The following SAFB variants were observed in gnomAD, a reference collection of about 807,000 sequenced individuals.
The protein encoded by SAFB is scaffold attachment factor B1.
Under a neutral mutation model 101.6 loss-of-function variants are expected in SAFB, and 15 were observed. The ratio of observed to expected loss-of-function variants is 0.15; its 90% CI spans 0.10 to 0.23. SAFB has a LOEUF of 0.23. Ranked by LOEUF, SAFB falls within the 10% of genes least tolerant of loss-of-function variation. SAFB has a pLI of 1.00. For missense variants in SAFB, 930 were observed against 1,104.1 expected (o/e 0.84, Z 2.23); for synonymous variants, 449 against 407.5 (o/e 1.10, Z -1.23).
intron 9 of SAFB, 28 bp downstream of exon 9, chr19:5,651,100 A>C (rs1018019192): frequency 6.2e-6 from 9 of 1,454,066 alleles, no homozygotes; most frequent in Non-Finnish European, 8.6e-6. Flanking sequence ...TCTGGAGAAG[A>C]TACTTTGAAA....
intron 15 of SAFB, 151 bp from the exon 16 acceptor site, chr19:5,663,871 G>A (rs2054270251): frequency 1.3e-6 from 1 of 790,574 alleles, no homozygotes; most frequent in African/African-American, 1.7e-5. Context: ...GCAGTCACTG[G>A]GGTCAAATCA....
chr19:5,635,114 G>A (rs763253989), intron 2 of SAFB, among the ~76,000 whole-genome samples: 3 of 152,046 alleles, frequency 2.0e-5, no homozygotes, highest in Non-Finnish European at 4.4e-5. Flanking sequence ...CTCCAGCCTG[G>A]GCAACAAGAG....
In SAFB at chr19:5,650,709, C is replaced by A. The variant is rs1258028005; in HGVS notation, c.1199-269C>A. Among the ~76,000 whole-genome samples the A allele has an allele frequency of 2.6e-5, 4 of 152,352 alleles. No homozygotes were observed. The South Asian group carries it at 8.3e-4, about 32-fold the overall frequency. ...TACAGGCGTGAGCCACCACACCCGG[C>A]CCGCAATTGCTAACTTTCTTAGGAA... On this transcript the variant is annotated intron_variant, in intron 8 of 20. Coordinates refer to ENST00000588852, the MANE Select transcript of SAFB (RefSeq NM_001201338.2).
intron 17 of SAFB, chr19:5,665,273 C>G (rs145755374): frequency 6.6e-6 from 1 of 152,146 alleles, no homozygotes; most frequent in Admixed American, 6.5e-5. Context: ...TGCAGCAAAA[C>G]GTAGAACTAG....
At chr19:5,632,307 A>G (rs935835002) in intron 2 of SAFB, among the ~76,000 whole-genome samples, 1 of 152,140 alleles carries the variant, frequency 6.6e-6, no homozygotes, top group African/African-American at 2.4e-5. Flanking sequence ...GAGTCCCCAA[A>G]TATTGCCATC....
At chr19:5,627,450 A>C (rs980903994) in intron 2 of SAFB, among the ~76,000 whole-genome samples, 1 of 152,218 alleles carries the variant, frequency 6.6e-6, no homozygotes, top group African/African-American at 2.4e-5. Context: ...CATGGAGTCC[A>C]AAAAGTAGGA....
chr19:5,661,110 CAA>C lies in SAFB; in HGVS notation c.1863-407_1863-406del, dbSNP rs575190091. 2.5e-3 allele frequency among the ~76,000 whole-genome samples: 379 copies of C among 151,846 alleles called. 4 individuals carry two copies. Among genetic ancestry groups the C allele is most frequent in the African/African-American group, 8.1e-3 (337 of 41,400 alleles). On this transcript the variant is annotated intron_variant, in intron 14 of 20. Transcript: ENST00000588852. ...CTAATTTTTGTATTTTTAGTAGAGACAAGAGTTTCACCATGTTGGCCAGGCTG... is the reference window on the plus strand; with the variant it reads ...CTAATTTTTGTATTTTTAGTAGAGACGAGTTTCACCATGTTGGCCAGGCTG...
Position 5,653,373 on chromosome 19 carries a change from CAA to C in SAFB, c.1482_1483del (p.Asp496GlnfsTer2). 6.2e-7 allele frequency: 1 copy of C among 1,614,100 alleles called. No homozygotes were observed. Among genetic ancestry groups the C allele is most frequent in the Non-Finnish European group, 8.5e-7 (1 of 1,180,012 alleles). ...AACCTGTGGGAAAGAAAACCTCTGA[CAA>C]AAGAGACAGTGACGGGAAAAAGGAG... ...NEPVGKKTSD[K>X]RDSDGKKEKS... On this transcript the variant is annotated frameshift_variant, in exon 11 of 21. Coordinates refer to ENST00000588852, the MANE Select transcript of SAFB (RefSeq NM_001201338.2). LOFTEE classifies it high-confidence loss of function.
intron 2 of SAFB, among the ~76,000 whole-genome samples, chr19:5,640,779 CAG>C (rs1363503331): frequency 1.3e-5 from 2 of 152,172 alleles, no homozygotes; most frequent in African/African-American, 2.4e-5. Flanking sequence ...TTAGTTGAGA[CAG>C]GGTTTCGTCA....
At chr19:5,638,575 G>A (rs867809201) in intron 2 of SAFB, among the ~76,000 whole-genome samples, 1 of 151,746 alleles carries the variant, frequency 6.6e-6, no homozygotes, top group African/African-American at 2.4e-5. Flanking sequence ...CACCCACCTC[G>A]ACCTCCCAAA....
At chr19:5,631,101 A>C (rs915989570) in intron 2 of SAFB, among the ~76,000 whole-genome samples, 2 of 152,060 alleles carry the variant, frequency 1.3e-5, no homozygotes, top group African/African-American at 4.8e-5. Flanking sequence ...GAGGCAGGAG[A>C]ATCACTTGAG....
intron 14 of SAFB, among the ~76,000 whole-genome samples, chr19:5,661,078 T>C (rs1433415805): frequency 6.6e-6 from 1 of 150,878 alleles, no homozygotes; most frequent in Non-Finnish European, 1.5e-5. Flanking sequence ...CGTGCCACCA[T>C]GCCCAGCTAA....
In SAFB at chr19:5,664,478, A is replaced by G. The variant is rs771062064; in HGVS notation, c.2334+39A>G. ...TACAGTGGTAGCCACAGAATTTCCC[A>G]TAGAATGGGTTCTTTTCCCTTCAGC... On this transcript the variant is annotated intron_variant, in intron 17 of 20. Coordinates refer to ENST00000588852, the MANE Select transcript of SAFB (RefSeq NM_001201338.2). 1.8e-5 allele frequency: 27 copies of G among 1,533,606 alleles called. No individual in the cohort carries two copies. In the South Asian group the frequency reaches 2.6e-4, roughly 15 times the overall value. 95.0% of individuals were successfully genotyped at this position (1,533,606 alleles called of 1,614,324 possible).
At chr19:5,623,653 C>T (rs777074569) in intron 1 of SAFB, among the ~76,000 whole-genome samples, 2 of 152,164 alleles carry the variant, frequency 1.3e-5, no homozygotes, top group African/African-American at 2.4e-5. Context: ...TGACGGGTGA[C>T]ATCGTCCACT....
At chr19:5,625,279 C>T (rs977565376) in intron 1 of SAFB, among the ~76,000 whole-genome samples, 11 of 152,210 alleles carry the variant, frequency 7.2e-5, no homozygotes, top group Admixed American at 5.2e-4. Flanking sequence ...CTGCCTAGGG[C>T]ATTGCTTCTC....
In SAFB at chr19:5,667,406, C is replaced by T. The variant is rs535828670; in HGVS notation, c.2513C>T (p.Thr838Met). ...GAGGATGACCGGTCATGGCAGGGCA[C>T]GGCCGACGGGGGCATGATGGACAGG... ...RREDDRSWQG[T>M]ADGGMMDRDH... The change falls in exon 19 of 21, where the codon ACG becomes ATG. Residue 838 changes from threonine to methionine, a missense_variant. Transcript: ENST00000588852. The surrounding 1 kb of genome is among the most constrained non-coding windows in gnomAD (Gnocchi z 4.0). 1.4e-5 allele frequency: 21 copies of T among 1,515,226 alleles called. No homozygotes were observed. The highest frequency in any genetic ancestry group is 2.7e-5 in the Admixed American group (1 of 37,218). The allele number at this position is 1,515,226 out of a possible 1,614,324, so 93.9% of individuals were successfully genotyped here.
At chr19:5,652,176 G>A (rs1426095233) in intron 9 of SAFB, among the ~76,000 whole-genome samples, 4 of 151,636 alleles carry the variant, frequency 2.6e-5, no homozygotes, top group Non-Finnish European at 4.4e-5. Flanking sequence ...CTGGGACAGA[G>A]CAAGACTCCA....
intron 14 of SAFB, among the ~76,000 whole-genome samples, chr19:5,660,357 T>C (rs1414711807): frequency 7.2e-6 from 1 of 139,522 alleles, no homozygotes; most frequent in Non-Finnish European, 1.6e-5. Flanking sequence ...TTTTTTTTTT[T>C]TTTTTTTTTT....
intron 15 of SAFB, 46 bp downstream of exon 15, chr19:5,661,854 G>A (rs2054214937): frequency 7.8e-7 from 1 of 1,283,800 alleles, no homozygotes. Flanking sequence ...TCAGAATCGT[G>A]TTAGGGACCT....
Sources: allele counts gnomAD v4.1 joint callset (sites outside exome capture counted in the v4.1 genomes callset), GRCh38; gene constraint gnomAD v4.1.1; non-coding constraint Gnocchi (gnomAD v3.1); transcripts MANE v1.5; gene names NCBI Gene and HGNC (gene_info 2026-07-23, HGNC 2026-07-21).